Variants in EHMT1 observed in about 807,000 individuals in gnomAD.
EHMT1 encodes the protein euchromatic histone lysine methyltransferase 1.
EHMT1 carries 15 observed loss-of-function variants against 147.2 expected under a neutral mutation model. That is an observed-to-expected ratio of 0.10 (90% confidence interval 0.07 to 0.16). The LOEUF is 0.16. Ranked by LOEUF, EHMT1 falls within the 10% of genes least tolerant of loss-of-function variation. EHMT1 has a pLI of 1.00. For synonymous variants in EHMT1, 795 were observed against 709.6 expected (o/e 1.12, Z -1.91); for missense variants, 1,587 against 1,772.4 (o/e 0.90, Z 1.88).
intron 3 of EHMT1, among the ~76,000 whole-genome samples, chr9:137,718,293 G>A (rs558008571): frequency 6.6e-6 from 1 of 152,250 alleles, no homozygotes; most frequent in African/African-American, 2.4e-5. Context: ...CACGATACAG[G>A]TTTTCAAAGT....
chr9:137,654,701 G>A (rs1161402768), intron 1 of EHMT1, among the ~76,000 whole-genome samples: 1 of 152,208 alleles, frequency 6.6e-6, no homozygotes, highest in Non-Finnish European at 1.5e-5. Context: ...GGCTGGGGAG[G>A]CAGTACATGC....
At chr9:137,728,567 G>A (rs917747783) in intron 4 of EHMT1, 38 bp downstream of exon 4, 4 of 1,613,524 alleles carry the variant, frequency 2.5e-6, no homozygotes, top group South Asian at 1.1e-5. Context: ...CTCTTTGAAT[G>A]TATGTTTCGA....
chr9:137,704,629 T>C (rs1299374359), intron 1 of EHMT1, among the ~76,000 whole-genome samples: 6 of 152,170 alleles, frequency 3.9e-5, no homozygotes, highest in Non-Finnish European at 7.3e-5. Flanking sequence ...TTATTGCTGC[T>C]TGGTATCCTC....
intron 25 of EHMT1, chr9:137,823,463 G>C (rs1373495031): frequency 1.1e-5 from 4 of 360,262 alleles, no homozygotes; most frequent in East Asian, 1.3e-4. Flanking sequence ...CCAGGCTGGA[G>C]TGCAGTGACA....
At chr9:137,784,390 C>T in intron 15 of EHMT1, 1 of 1,247,814 alleles carries the variant, frequency 8.0e-7, no homozygotes, top group Non-Finnish European at 1.0e-6. Context: ...GCATTCAGAC[C>T]ATAGTGCCAG....
In EHMT1 at chr9:137,762,670, G is replaced by A. The variant is rs1279037975; in HGVS notation, c.1502-5G>A. The A allele has an allele frequency of 3.1e-6, 5 of 1,614,168 alleles. No homozygotes were observed. Among genetic ancestry groups the A allele is most frequent in the Non-Finnish European group, 3.4e-6 (4 of 1,180,040 alleles). ...ATGAGCTGACATGTGTCTGTGTGACGTTAGGGTTGGCCAACGGTCCAGATG... is the reference window on the plus strand; with the variant it reads ...ATGAGCTGACATGTGTCTGTGTGACATTAGGGTTGGCCAACGGTCCAGATG... On this transcript the variant is annotated splice_polypyrimidine_tract_variant and splice_region_variant and intron_variant, in intron 9 of 26. Transcript: ENST00000460843.
chr9:137,782,227 A>T lies in EHMT1; in HGVS notation c.2276-64A>T. 1.4e-6 allele frequency: 2 copies of T among 1,455,188 alleles called. No individual in the cohort carries two copies. Among genetic ancestry groups the T allele is most frequent in the Middle Eastern group, 1.7e-4 (1 of 5,766 alleles). 90.1% of individuals were successfully genotyped at this position (1,455,188 alleles called of 1,614,324 possible). ...TTGTGAGTGCTTGCCAGCCATCGTG[A>T]CAGTCCTGAGCTGGAGTCTGTGGCT... is the stretch of plus-strand genomic sequence containing the variant. On this transcript the variant is annotated intron_variant, in intron 14 of 26. Coordinates refer to ENST00000460843, the MANE Select transcript of EHMT1 (RefSeq NM_024757.5). This position sits in a 1 kb window ranked among gnomAD's most constrained non-coding sequence, Gnocchi z 5.7.
chr9:137,784,755 G>A (rs544672814), intron 15 of EHMT1: 1 of 153,012 alleles, frequency 6.5e-6, no homozygotes, highest in South Asian at 2.1e-4. Flanking sequence ...GCTCCTGGAG[G>A]CTGAGAGGAA....
chr9:137,624,860 C>T (rs1311790266), intron 1 of EHMT1, among the ~76,000 whole-genome samples: 1 of 151,860 alleles, frequency 6.6e-6, no homozygotes, highest in Non-Finnish European at 1.5e-5. Flanking sequence ...GCATGATCCA[C>T]CGAGCCTGGC....
intron 23 of EHMT1, chr9:137,817,193 G>A (rs1954986302): frequency 1.2e-5 from 7 of 581,038 alleles, no homozygotes; most frequent in Admixed American, 5.2e-5. Context: ...GGGACACCGA[G>A]CCACGGCCAG....
intron 1 of EHMT1, among the ~76,000 whole-genome samples, chr9:137,646,130 T>C (rs1844864897): frequency 6.6e-6 from 1 of 152,098 alleles, no homozygotes; most frequent in Non-Finnish European, 1.5e-5. Flanking sequence ...AGCTAACTTT[T>C]TGTATTTTAA....
intron 1 of EHMT1, among the ~76,000 whole-genome samples, chr9:137,694,473 G>T (rs943326060): frequency 6.6e-6 from 1 of 152,188 alleles, no homozygotes; most frequent in African/African-American, 2.4e-5. Context: ...AGCTGAGGCC[G>T]GCTCCGTGCC....
At position 137,730,765 on chromosome 9, in the gene EHMT1, C is replaced by T. The variant is rs538987969; in HGVS notation, c.823+2236C>T. 3.2e-4 allele frequency among the ~76,000 whole-genome samples: 48 copies of T among 152,364 alleles called. No homozygotes were observed. The South Asian group carries it at 3.7e-3, about 12-fold the overall frequency. On this transcript the variant is annotated intron_variant, in intron 4 of 26. Transcript: ENST00000460843. Reference sequence around the variant, plus strand: ...GGCACCTCTTCAGGAAGACCTTCCCCATTCACTGGATGGTCTGCTTACCTT... The same window carrying T: ...GGCACCTCTTCAGGAAGACCTTCCCTATTCACTGGATGGTCTGCTTACCTT...
chr9:137,769,566 C>G (rs751302214), intron 10 of EHMT1, among the ~76,000 whole-genome samples: 3 of 150,294 alleles, frequency 2.0e-5, no homozygotes, highest in African/African-American at 4.9e-5. Context: ...TCGAGTGTGG[C>G]TTGCATGGTT....
At chr9:137,791,503 T>C (rs1952523313) in intron 16 of EHMT1, among the ~76,000 whole-genome samples, 1 of 152,204 alleles carries the variant, frequency 6.6e-6, no homozygotes, top group Non-Finnish European at 1.5e-5. Context: ...AACGGTTTCA[T>C]TTACAGTAGC....
intron 2 of EHMT1, among the ~76,000 whole-genome samples, chr9:137,714,161 C>G (rs1344730286): frequency 6.6e-6 from 1 of 152,148 alleles, no homozygotes; most frequent in African/African-American, 2.4e-5. Flanking sequence ...TACTTCGAAT[C>G]TCTAGTACAG....
intron 1 of EHMT1, among the ~76,000 whole-genome samples, chr9:137,642,324 T>C (rs943807289): frequency 6.6e-6 from 1 of 152,188 alleles, no homozygotes; most frequent in Non-Finnish European, 1.5e-5. Flanking sequence ...AGATGGAGTT[T>C]CACTATGTTG....
At position 137,743,437 on chromosome 9, in the gene EHMT1, G is replaced by A; in HGVS notation, c.890G>A (p.Ser297Asn). The A allele has an allele frequency of 6.2e-7, 1 of 1,613,126 alleles. No homozygotes were observed. Among genetic ancestry groups the A allele is most frequent in the Non-Finnish European group, 8.5e-7 (1 of 1,179,896 alleles). ...AAAAAACGAAGAATGGGAACCTATA[G>A]CCTGGTTCCTAAGAAAAAGACCAAA... is the stretch of plus-strand genomic sequence containing the variant. ...RKKKRRMGTYSLVPKKKTKVL... is the reference protein window; with the variant it reads ...RKKKRRMGTYNLVPKKKTKVL... The change falls in exon 5 of 27, where the codon AGC becomes AAC. Residue 297 changes from serine (S) to asparagine (N), a missense_variant. Coordinates refer to ENST00000460843, the MANE Select transcript of EHMT1 (RefSeq NM_024757.5).
chr9:137,678,636 T>A (rs548681403), intron 1 of EHMT1, among the ~76,000 whole-genome samples: 1 of 152,112 alleles, frequency 6.6e-6, no homozygotes, highest in African/African-American at 2.4e-5. Flanking sequence ...ATATACCAGG[T>A]TTTTTTCTTA....
Sources: allele counts gnomAD v4.1 joint callset (sites outside exome capture counted in the v4.1 genomes callset), GRCh38; gene constraint gnomAD v4.1.1; non-coding constraint Gnocchi (gnomAD v3.1); transcripts MANE v1.5; gene names NCBI Gene and HGNC (gene_info 2026-07-23, HGNC 2026-07-21).